Variants in RPS6 observed in about 807,000 individuals in gnomAD.
RPS6 encodes the protein ribosomal protein S6, also known as small ribosomal subunit protein eS6.
In RPS6, 1 loss-of-function variant was observed where a neutral mutation model predicts 27.1. The ratio of observed to expected loss-of-function variants is 0.04; its 90% CI spans 0.01 to 0.18. The LOEUF (loss-of-function observed/expected upper bound fraction) is 0.18, where lower values mean the gene tolerates loss of function less well. Among genes scored for constraint, RPS6 ranks in the 10% least tolerant of loss-of-function variants. RPS6 has a pLI of 1.00. For missense variants in RPS6, 259 were observed against 319.1 expected, an observed-to-expected ratio of 0.81 and a Z score of 1.44; for synonymous variants, 152 against 106.0, an observed-to-expected ratio of 1.43 and a Z score of -2.66.
chr9:19,377,532 G>A (rs564999618), intron 4 of RPS6, among the ~76,000 whole-genome samples: 1 of 151,954 alleles, frequency 6.6e-6, no homozygotes, highest in Admixed American at 6.6e-5. Context: ...TGCCATGTAT[G>A]TTAAGTCACA....
intron 4 of RPS6, among the ~76,000 whole-genome samples, chr9:19,377,814 T>A (rs770519145): frequency 2.0e-5 from 3 of 152,238 alleles, no homozygotes; most frequent in Non-Finnish European, 4.4e-5. Context: ...TTGTTATCCA[T>A]ATCCTACAGA....
intron 1 of RPS6, chr9:19,379,846 G>T: frequency 7.0e-7 from 1 of 1,426,278 alleles, no homozygotes; most frequent in Non-Finnish European, 9.1e-7. Context: ...GAATGACTCT[G>T]GGGGCGAGGG....
chr9:19,378,492 C>T lies in RPS6; in HGVS notation c.372G>A (p.Leu124=). Residue 124 remains leucine, a synonymous_variant, in exon 4 of 6, where the codon CTG becomes CTA. Coordinates refer to ENST00000380394, the MANE Select transcript of RPS6 (RefSeq NM_001010.3). ...VKKGEKDIPG[L]TDTTVPRRLG... ...GGCGGCGAGGCACTGTAGTATCAGT[C>T]AGTCCAGGAATATCCTTCTCTCCTT... 6.2e-7 allele frequency: 1 copy of T among 1,614,162 alleles called. No individual in the cohort carries two copies. Among genetic ancestry groups the T allele is most frequent in the Middle Eastern group, 1.7e-4 (1 of 6,058 alleles).
rs1829594727 is a variant in RPS6 at position 19,376,734 on chromosome 9, AAGCTTAAC to A, written c.497-91_497-84del. On this transcript the variant is annotated intron_variant, in intron 4 of 5. Coordinates refer to ENST00000380394, the MANE Select transcript of RPS6 (RefSeq NM_001010.3). ...CTTTAAAAACATCAGAAATAAACGT[AAGCTTAAC>A]AGCATCTATGAAAACCTATAATGAG... 2.9e-6 allele frequency: 4 copies of A among 1,368,486 alleles called. No homozygotes were observed. In the Admixed American group the frequency reaches 9.0e-5, roughly 31 times the overall value. The allele number at this position is 1,368,486 out of a possible 1,614,324, so 84.8% of individuals were successfully genotyped here.
At chr9:19,379,842 C>T in intron 1 of RPS6, 14 of 1,427,216 alleles carry the variant, frequency 9.8e-6, no homozygotes, top group Non-Finnish European at 1.2e-5. Flanking sequence ...CGCGGAATGA[C>T]TCTGGGGGCG....
intron 4 of RPS6, among the ~76,000 whole-genome samples, chr9:19,377,493 T>C (rs751822593): frequency 2.6e-5 from 4 of 151,898 alleles, no homozygotes; most frequent in Non-Finnish European, 5.9e-5. Context: ...GTAAGTGTAA[T>C]TACTGACTTA....
At position 19,375,818 on chromosome 9, in the gene RPS6, G is replaced by A. The variant is rs1463962185; in HGVS notation, c.*475C>T. On this transcript the variant is annotated 3_prime_UTR_variant, in exon 6 of 6. Transcript: ENST00000380394. ...AGCTTTGTTAAAACAAATTTGAAAT[G>A]GCTTAAAAACCATTTAGTGGATGGT... is the stretch of plus-strand genomic sequence containing the variant. 1 of 152,372 alleles carries A rather than the reference G, an allele frequency of 6.6e-6. No individual in the cohort carries two copies. The highest frequency in any genetic ancestry group is 1.9e-4 in the East Asian group (1 of 5,182). The allele number at this position is 152,372 out of a possible 1,614,324, so 9.4% of individuals were successfully genotyped here.
rs1401809565 is a variant in RPS6, at chr9:19,378,362, T to A, written c.496+6A>T. 6.2e-7 allele frequency: 1 copy of A among 1,611,932 alleles called. No individual in the cohort carries two copies. The highest frequency in any genetic ancestry group is 8.5e-7 in the Non-Finnish European group (1 of 1,179,740). ...AAGCAAGCCCTAATTGCATAATCCC[T>A]CCTACCTTCTTTATTTAAGGGCTTT... On this transcript the variant is annotated splice_donor_region_variant and intron_variant, in intron 4 of 5. Coordinates refer to ENST00000380394, the MANE Select transcript of RPS6 (RefSeq NM_001010.3).
At chr9:19,378,070 G>T (rs1212527770) in intron 4 of RPS6, among the ~76,000 whole-genome samples, 1 of 152,174 alleles carries the variant, frequency 6.6e-6, no homozygotes, top group Non-Finnish European at 1.5e-5. Context: ...TCTCAAACAT[G>T]TGACTCCTAA....
intron 4 of RPS6, 44 bp downstream of exon 4, chr9:19,378,324 A>C: frequency 6.3e-7 from 1 of 1,598,534 alleles, no homozygotes; most frequent in Non-Finnish European, 8.5e-7. Context: ...ATGATAGACA[A>C]ATTACCAAAA....
intron 3 of RPS6, 87 bp downstream of exon 3, chr9:19,378,621 G>C: frequency 6.4e-7 from 1 of 1,570,870 alleles, no homozygotes; most frequent in Admixed American, 1.7e-5. Flanking sequence ...CCATTGGTCT[G>C]TAAGTCTGGA....
chr9:19,377,740 T>C lies in RPS6; in HGVS notation c.496+628A>G, dbSNP rs569608419. On this transcript the variant is annotated intron_variant, in intron 4 of 5. Coordinates refer to ENST00000380394, the MANE Select transcript of RPS6 (RefSeq NM_001010.3). ...TTAAAAGGTAAAGCTCCAAAATCCC[T>C]AACACCTGCTCCCTAGTATTCTGAG... 5.9e-5 allele frequency among the ~76,000 whole-genome samples: 9 copies of C among 152,322 alleles called. No homozygotes were observed. In the South Asian group the frequency reaches 1.7e-3, roughly 28 times the overall value.
At position 19,378,399 on chromosome 9, in the gene RPS6, C is replaced by G. The variant is rs1829624343; in HGVS notation, c.465G>C (p.Gln155His). 6.2e-7 allele frequency: 1 copy of G among 1,613,174 alleles called. No individual in the cohort carries two copies. The highest frequency in any genetic ancestry group is 8.5e-7 in the Non-Finnish European group (1 of 1,180,008). ...FNLSKEDDVR[Q>H]YVVRKPLNKE... ...TATTTAAGGGCTTTCTTACAACATA[C>G]TGGCGGACATCATCTTCTTTAGAGA... Residue 155 changes from glutamine to histidine, a missense_variant, in exon 4 of 6, where the codon CAG becomes CAC. Coordinates refer to ENST00000380394, the MANE Select transcript of RPS6 (RefSeq NM_001010.3).
Position 19,375,936 on chromosome 9 carries a change from T to C in RPS6, c.*357A>G, listed in dbSNP as rs981743864. ...TCTTCACAAGGTCAATTTTCATGTA[T>C]TAAATTGTGTATAGTGCTTTAAAGA... is the stretch of plus-strand genomic sequence containing the variant. On this transcript the variant is annotated 3_prime_UTR_variant, in exon 6 of 6. Coordinates refer to ENST00000380394, the MANE Select transcript of RPS6 (RefSeq NM_001010.3). 6 of 159,966 alleles carry C rather than the reference T, an allele frequency of 3.8e-5. No individual in the cohort carries two copies. The Admixed American group carries it at 3.8e-4, about 10-fold the overall frequency. The allele number at this position is 159,966 out of a possible 1,614,324, so 9.9% of individuals were successfully genotyped here. A position where few individuals can be genotyped will look rare whatever the true frequency, so the allele number is the denominator to read the frequency against.
Position 19,376,606 on chromosome 9 carries a change from G to T in RPS6, c.542C>A (p.Thr181Asn). ...TKAPKIQRLV[T>N]PRVLQHKRRR... is the part of the protein sequence containing the mutation. ...CCGTTTGTGCTGCAGGACACGTGGA[G>T]TAACAAGACGCTGAATCTTGGGTGC... Residue 181 changes from threonine to asparagine, a missense_variant, in exon 5 of 6, where the codon ACT becomes AAT. By Grantham distance (65) the Thr-to-Asn change is moderately conservative. Coordinates refer to ENST00000380394, the MANE Select transcript of RPS6 (RefSeq NM_001010.3). 1 of 1,614,126 alleles carries T rather than the reference G, an allele frequency of 6.2e-7. No homozygotes were observed. Among genetic ancestry groups the T allele is most frequent in the Non-Finnish European group, 8.5e-7 (1 of 1,180,032 alleles).
At chr9:19,376,982 C>A in intron 4 of RPS6, 1 of 187,860 alleles carries the variant, frequency 5.3e-6, no homozygotes. Context: ...CCACTTAACA[C>A]ATTATCTACA....
intron 4 of RPS6, 22 bp downstream of exon 4, chr9:19,378,346 C>G: frequency 3.1e-6 from 5 of 1,608,628 alleles, no homozygotes; most frequent in South Asian, 1.1e-5. Flanking sequence ...TAAGCAAGCC[C>G]TAATTGCATA....
chr9:19,376,442 A>G, intron 5 of RPS6, 52 bp downstream of exon 5: 15 of 1,612,486 alleles, frequency 9.3e-6, no homozygotes, highest in Non-Finnish European at 1.3e-5. Context: ...AAAGACGCAA[A>G]TCCAAAGCCA....
In RPS6 at chr9:19,378,828, G is replaced by A. The variant is rs979854202; in HGVS notation, c.229C>T (p.Leu77=). The part of the protein sequence containing the change: ...VLTHGRVRLL[L]SKGHSCYRPR... ...CTGTAACAGGAATGCCCCTTACTCA[G>A]TAGCAGGCGGACACGGCCATGGGTC... The change falls in exon 3 of 6, where the codon CTG becomes TTG. Residue 77 remains leucine, a synonymous_variant. Coordinates refer to ENST00000380394, the MANE Select transcript of RPS6 (RefSeq NM_001010.3). 2 of 1,614,044 alleles carry A rather than the reference G, an allele frequency of 1.2e-6. No individual in the cohort carries two copies. Among genetic ancestry groups the A allele is most frequent in the African/African-American group, 2.7e-5 (2 of 74,910 alleles).
Sources: gnomAD v4.1 joint callset for allele counts (sites outside exome capture counted in the v4.1 genomes callset) on GRCh38, gnomAD v4.1.1 for gene constraint, MANE v1.5 for transcripts, NCBI Gene and HGNC (gene_info 2026-07-23, HGNC 2026-07-21) for gene names.